Variants in SMAD3 observed in about 807,000 individuals in gnomAD.
SMAD3 encodes the protein MAD homolog 3.
Under a neutral mutation model 51.8 loss-of-function variants are expected in SMAD3, and 12 were observed. The observed-to-expected ratio is 0.23, with a 90% CI of 0.15 to 0.38. The LOEUF is 0.38. Ranked by LOEUF, SMAD3 falls within the 10% of genes least tolerant of loss-of-function variation. The pLI, the probability that SMAD3 is intolerant of heterozygous loss-of-function variation, is 1.00. For missense variants in SMAD3, 294 were observed against 565.6 expected (o/e 0.52, Z 4.87); for synonymous variants, 238 against 227.7 (o/e 1.05, Z -0.41).
intron 8 of SMAD3, 126 bp downstream of exon 8, chr15:67,187,635 C>CAG: frequency 8.1e-7 from 1 of 1,236,938 alleles, no homozygotes; most frequent in Non-Finnish European, 1.2e-6. Flanking sequence ...GACCAAAGAT[C>CAG]AGAGAGAGGC....
At chr15:67,143,585 C>T (rs1961892375) in intron 1 of SMAD3, among the ~76,000 whole-genome samples, 1 of 152,042 alleles carries the variant, frequency 6.6e-6, no homozygotes, top group South Asian at 2.1e-4. Context: ...CAGGCATACA[C>T]CACTACGCCT....
At chr15:67,093,053 A>G (rs1402665532) in intron 1 of SMAD3, among the ~76,000 whole-genome samples, 2 of 152,118 alleles carry the variant, frequency 1.3e-5, no homozygotes, top group Non-Finnish European at 2.9e-5. Flanking sequence ...TCTATAGTCT[A>G]ACTTCCCTTC....
rs117185005 is a variant in SMAD3, at chr15:67,181,452, C to T, written c.870C>T (p.Ile290=). The change falls in exon 6 of 9, where the codon ATC becomes ATT. Residue 290 remains isoleucine (I), a splice_region_variant and synonymous_variant. Transcript: ENST00000327367. ...CAGTGGAGCTGACACGGAGACACAT[C>T]GGTATGGGGTGGCTCCATTCCCCGC... ...NAAVELTRRH[I]GRGVRLYYIG... 0.021 allele frequency: 33,031 copies of T among 1,611,190 alleles called. 410 individuals carry two copies. The highest frequency in any genetic ancestry group is 0.024 in the Non-Finnish European group (28,847 of 1,179,342).
intron 1 of SMAD3, among the ~76,000 whole-genome samples, chr15:67,127,426 T>C (rs1020973871): frequency 1.3e-5 from 2 of 152,168 alleles, no homozygotes; most frequent in African/African-American, 4.8e-5. Context: ...CCAGGAAGCA[T>C]TCCCAGATGA....
At position 67,192,439 on chromosome 15, in the gene SMAD3, TGTGCCTG is replaced by T. The variant is rs1362150283; in HGVS notation, c.*1907_*1913del. ...GGCCAAATGCTGTGAGTCTGAAGTATGTGCCTGGTGTGAAATGATCTATGGCCTGTTT... is the reference window on the plus strand; with the variant it reads ...GGCCAAATGCTGTGAGTCTGAAGTATGTGTGAAATGATCTATGGCCTGTTT... On this transcript the variant is annotated 3_prime_UTR_variant, in exon 9 of 9. Transcript: ENST00000327367. 4 of 233,358 alleles carry T rather than the reference TGTGCCTG, an allele frequency of 1.7e-5. No individual in the cohort carries two copies. The allele number at this position is 233,358 out of a possible 1,614,324, so 14.5% of individuals were successfully genotyped here.
chr15:67,132,565 A>G (rs1192585406), intron 1 of SMAD3, among the ~76,000 whole-genome samples: 1 of 152,146 alleles, frequency 6.6e-6, no homozygotes, highest in Non-Finnish European at 1.5e-5. Flanking sequence ...GTGGGAGGAA[A>G]AGCACTGGGC....
rs185379661 is a variant in SMAD3 at position 67,175,920 on chromosome 15, C to T, written c.658+5316C>T. 3.3e-5 allele frequency among the ~76,000 whole-genome samples: 5 copies of T among 152,224 alleles called. No individual in the cohort carries two copies. In the East Asian group the frequency reaches 9.7e-4, roughly 29 times the overall value. Reference sequence around the variant, plus strand: ...ACACTTGTGAAATCACAGGCAGGGTCTTCCCCACACTTGTGAAATCACAGG... The same window carrying T: ...ACACTTGTGAAATCACAGGCAGGGTTTTCCCCACACTTGTGAAATCACAGG... On this transcript the variant is annotated intron_variant, in intron 5 of 8. Transcript: ENST00000327367.
At chr15:67,141,011 T>C (rs902778863) in intron 1 of SMAD3, among the ~76,000 whole-genome samples, 9 of 152,284 alleles carry the variant, frequency 5.9e-5, no homozygotes, top group African/African-American at 2.2e-4. Flanking sequence ...GGCAACCATT[T>C]AAAAATTTTA....
chr15:67,130,951 C>T (rs1961511522), intron 1 of SMAD3, among the ~76,000 whole-genome samples: 1 of 152,198 alleles, frequency 6.6e-6, no homozygotes, highest in Non-Finnish European at 1.5e-5. Context: ...GAGATCTTGG[C>T]TGTGTTCTAC....
intron 1 of SMAD3, chr15:67,138,467 G>A (rs912941858): frequency 1.9e-5 from 4 of 212,182 alleles, no homozygotes; most frequent in South Asian, 8.6e-5. Context: ...TCCAGTCATC[G>A]CTGTACTGAG....
At chr15:67,107,965 T>TC (rs138958033) in intron 1 of SMAD3, among the ~76,000 whole-genome samples, 59,534 of 124,004 alleles carry the variant, frequency 0.48, 12,934 homozygotes, top group South Asian at 0.62. Context: ...TGCTCTCCTC[T>TC]CCCCCCCACC....
intron 1 of SMAD3, among the ~76,000 whole-genome samples, chr15:67,067,791 G>T (rs900491264): frequency 2.6e-5 from 4 of 152,188 alleles, no homozygotes; most frequent in African/African-American, 9.7e-5. Context: ...GTGTGATCGG[G>T]AGCCAGAATT....
intron 1 of SMAD3, among the ~76,000 whole-genome samples, chr15:67,083,465 A>G (rs532887126): frequency 6.6e-6 from 1 of 152,354 alleles, no homozygotes; most frequent in South Asian, 2.1e-4. Context: ...GCTTTGATCC[A>G]GGGATCTTTT....
Position 67,195,013 on chromosome 15 carries a change from C to CATGT in SMAD3, c.*4484_*4487dup, listed in dbSNP as rs1306683332. ...GACCTTTTAATAACTTTGTAAAAAG[C>CATGT]ATGTATGTATTTATAGTGTTTTAGA... is the stretch of plus-strand genomic sequence containing the variant. On this transcript the variant is annotated 3_prime_UTR_variant, in exon 9 of 9. Transcript: ENST00000327367. 8.6e-6 allele frequency: 2 copies of CATGT among 233,502 alleles called. No individual in the cohort carries two copies. Among genetic ancestry groups the CATGT allele is most frequent in the African/African-American group, 4.4e-5 (2 of 45,318 alleles). The allele number at this position is 233,502 out of a possible 1,614,324, so 14.5% of individuals were successfully genotyped here.
rs1409580441 is a variant in SMAD3, at chr15:67,113,061, AAT to A, written c.206+46712_206+46713del. On this transcript the variant is annotated intron_variant, in intron 1 of 8. Coordinates refer to ENST00000327367, the MANE Select transcript of SMAD3 (RefSeq NM_005902.4). Reference sequence around the variant, plus strand: ...CTTTGTAGTATTAATCAACTTTTAAAATATATATATATGTGTATATATATATA... The same window carrying A: ...CTTTGTAGTATTAATCAACTTTTAAAATATATATATGTGTATATATATATA... Among the ~76,000 whole-genome samples the A allele has an allele frequency of 1.8e-4, 8 of 44,396 alleles. 1 individual carries two copies. Among genetic ancestry groups the A allele is most frequent in the South Asian group, 3.2e-3 (2 of 620 alleles). 29.1% of individuals were successfully genotyped at this position (44,396 alleles called of 152,430 possible).
chr15:67,136,164 G>GAAAC (rs1961655516), intron 1 of SMAD3, among the ~76,000 whole-genome samples: 3 of 152,152 alleles, frequency 2.0e-5, no homozygotes, highest in Non-Finnish European at 4.4e-5. Context: ...AAACCTAACT[G>GAAAC]CTCTCAAATT....
At chr15:67,126,959 A>G (rs1045630185) in intron 1 of SMAD3, among the ~76,000 whole-genome samples, 1 of 152,182 alleles carries the variant, frequency 6.6e-6, no homozygotes, top group African/African-American at 2.4e-5. Context: ...GTGGGCACTC[A>G]TTAGAGGGCA....
chr15:67,111,256 T>C (rs1302910959), intron 1 of SMAD3, among the ~76,000 whole-genome samples: 1 of 152,260 alleles, frequency 6.6e-6, no homozygotes, highest in Non-Finnish European at 1.5e-5. Flanking sequence ...TTGTGGACTT[T>C]TGTGTTTGAC....
chr15:67,123,076 T>C (rs1339916010), intron 1 of SMAD3, among the ~76,000 whole-genome samples: 1 of 151,392 alleles, frequency 6.6e-6, no homozygotes, highest in African/African-American at 2.4e-5. Flanking sequence ...TGTGAGCCTG[T>C]GGTCTCAGCT....
Sources: allele counts gnomAD v4.1 joint callset (sites outside exome capture counted in the v4.1 genomes callset), GRCh38; gene constraint gnomAD v4.1.1; transcripts MANE v1.5; gene names NCBI Gene and HGNC (gene_info 2026-07-23, HGNC 2026-07-21).